LEKR1: variants seen among roughly 807,000 people sequenced by gnomAD.
LEKR1 encodes the protein leucine, glutamate and lysine rich 1.
A neutral mutation model predicts 72.4 loss-of-function variants in LEKR1; 59 were observed. The observed-to-expected ratio is 0.82, with a 90% CI of 0.66 to 1.01. LEKR1 has a LOEUF of 1.01. LEKR1 is among the 50% of genes least tolerant of loss of function. LEKR1 has a pLI of 0.00. For synonymous variants in LEKR1, 257 were observed against 263.2 expected (o/e 0.98, Z 0.23); for missense variants, 728 against 759.2 (o/e 0.96, Z 0.48).
chr3:156,940,292 G>T (rs1726086602), intron 5 of LEKR1, among the ~76,000 whole-genome samples: 1 of 152,108 alleles, frequency 6.6e-6, no homozygotes, highest in African/African-American at 2.4e-5. Context: ...CAATACAAAT[G>T]ATGTAAATTG....
chr3:157,027,198 T>C (rs957281924), intron 11 of LEKR1, among the ~76,000 whole-genome samples: 7 of 152,008 alleles, frequency 4.6e-5, no homozygotes, highest in African/African-American at 1.7e-4. Context: ...TTTTTTAAAT[T>C]TGAGAGTCAG....
chr3:156,882,956 A>C (rs2108553116), intron 3 of LEKR1, among the ~76,000 whole-genome samples: 1 of 151,712 alleles, frequency 6.6e-6, no homozygotes, highest in East Asian at 1.9e-4. Flanking sequence ...GAACAATGAG[A>C]ACACATGGAC....
chr3:156,852,923 G>T lies in LEKR1; in HGVS notation c.204G>T (p.Leu68=), dbSNP rs1034317899. Reference sequence around the variant, plus strand: ...GTGAAAAGAGACTTCAAGAAAAGCTGCATTCTCTTAGCCAAGAACTTGAAC... The same window carrying T: ...GTGAAAAGAGACTTCAAGAAAAGCTTCATTCTCTTAGCCAAGAACTTGAAC... ...VDREKRLQEK[L]HSLSQELEQY... The change falls in exon 3 of 13, where the codon CTG becomes CTT. Residue 68 remains leucine (L), a synonymous_variant. Coordinates refer to ENST00000356539, the MANE Select transcript of LEKR1 (RefSeq NM_001004316.3). 2 of 1,488,354 alleles carry T rather than the reference G, an allele frequency of 1.3e-6. No homozygotes were observed. The highest frequency in any genetic ancestry group is 1.8e-6 in the Non-Finnish European group (2 of 1,125,768). 92.2% of individuals were successfully genotyped at this position (1,488,354 alleles called of 1,614,324 possible).
chr3:156,987,881 G>A (rs1730835036), intron 7 of LEKR1, among the ~76,000 whole-genome samples: 3 of 152,088 alleles, frequency 2.0e-5, no homozygotes, highest in East Asian at 1.9e-4. Context: ...TCATAACAAG[G>A]CAATCTTCAA....
At chr3:156,937,167 C>T (rs1725792137) in intron 5 of LEKR1, among the ~76,000 whole-genome samples, 1 of 144,620 alleles carries the variant, frequency 6.9e-6, no homozygotes, top group Non-Finnish European at 1.5e-5. Flanking sequence ...AAAACAAGAA[C>T]AGCAAGAACA....
intron 3 of LEKR1, among the ~76,000 whole-genome samples, chr3:156,886,171 C>T (rs1720047494): frequency 6.6e-6 from 1 of 151,944 alleles, no homozygotes; most frequent in African/African-American, 2.4e-5. Context: ...GCCAATGATA[C>T]TATGTTTCAG....
At chr3:156,873,162 A>G (rs1204868501) in intron 3 of LEKR1, among the ~76,000 whole-genome samples, 1 of 152,020 alleles carries the variant, frequency 6.6e-6, no homozygotes, top group African/African-American at 2.4e-5. Context: ...CTTTATCATT[A>G]TATAATGACC....
chr3:157,024,614 CT>C (rs34378141), intron 10 of LEKR1, 145 bp from the exon 11 acceptor site: 190 of 676,938 alleles, frequency 2.8e-4, no homozygotes, highest in Middle Eastern at 4.3e-4. Flanking sequence ...CTAAGTCACA[CT>C]TTTTTTTGAA....
At chr3:156,929,133 G>C (rs916209633) in intron 5 of LEKR1, among the ~76,000 whole-genome samples, 3 of 150,606 alleles carry the variant, frequency 2.0e-5, no homozygotes, top group African/African-American at 7.3e-5. Flanking sequence ...TGAAAAATAT[G>C]GTGTCTGAAA....
At chr3:157,032,541 G>A (rs1484075480) in intron 12 of LEKR1, among the ~76,000 whole-genome samples, 2 of 152,100 alleles carry the variant, frequency 1.3e-5, no homozygotes, top group Non-Finnish European at 2.9e-5. Flanking sequence ...AATCCATTAG[G>A]ACAAAGAGAA....
At chr3:157,041,823 T>C (rs1577033601) in intron 12 of LEKR1, among the ~76,000 whole-genome samples, 1 of 152,364 alleles carries the variant, frequency 6.6e-6, no homozygotes, top group East Asian at 1.9e-4. Flanking sequence ...TGTTGCTCAG[T>C]GAAAACACAT....
chr3:156,887,206 C>T (rs779792152), intron 3 of LEKR1, among the ~76,000 whole-genome samples: 4 of 151,460 alleles, frequency 2.6e-5, no homozygotes, highest in South Asian at 2.1e-4. Flanking sequence ...TTTGATTGTC[C>T]GTATTTTTAT....
chr3:157,020,685 A>G (rs1733761317), intron 10 of LEKR1, among the ~76,000 whole-genome samples: 1 of 151,564 alleles, frequency 6.6e-6, no homozygotes, highest in Non-Finnish European at 1.5e-5. Flanking sequence ...TCATTGTTGG[A>G]CATTTGGGTT....
chr3:156,872,617 T>A lies in LEKR1; in HGVS notation c.263+19635T>A, dbSNP rs147381458. ...CCTCTTAGCACTGCTTTTGCTAAATTCCATAGGTTTTTGGAATGTTGTATT... is the reference window on the plus strand; with the variant it reads ...CCTCTTAGCACTGCTTTTGCTAAATACCATAGGTTTTTGGAATGTTGTATT... On this transcript the variant is annotated intron_variant, in intron 3 of 12. Coordinates refer to ENST00000356539, the MANE Select transcript of LEKR1 (RefSeq NM_001004316.3). Among the ~76,000 whole-genome samples, 236 of 152,150 alleles carry A rather than the reference T, an allele frequency of 1.6e-3. 3 individuals carry two copies. Among genetic ancestry groups the A allele is most frequent in the African/African-American group, 5.6e-3 (231 of 41,560 alleles).
chr3:156,858,399 G>A (rs1716342301), intron 3 of LEKR1, among the ~76,000 whole-genome samples: 8 of 152,116 alleles, frequency 5.3e-5, no homozygotes, highest in Admixed American at 3.9e-4. Flanking sequence ...CAGGCCAGGC[G>A]CGGTGGCTCA....
chr3:157,004,134 A>C (rs977551690), intron 9 of LEKR1, among the ~76,000 whole-genome samples: 19 of 152,196 alleles, frequency 1.2e-4, no homozygotes, highest in Non-Finnish European at 1.2e-4. Flanking sequence ...CAAAAATAAA[A>C]GAATGGGAAA....
chr3:157,045,308 A>T, intron 12 of LEKR1, 32 bp from the exon 13 acceptor site: 1 of 1,569,342 alleles, frequency 6.4e-7, no homozygotes, highest in East Asian at 2.2e-5. Context: ...TTTAAAGCTA[A>T]GTCTGCTTTC....
intron 6 of LEKR1, among the ~76,000 whole-genome samples, chr3:156,975,140 C>T (rs1197360901): frequency 6.6e-6 from 1 of 152,152 alleles, no homozygotes; most frequent in Non-Finnish European, 1.5e-5. Flanking sequence ...TAACAGTTAA[C>T]AGGAAGCAGA....
Position 156,942,960 on chromosome 3 carries a change from C to T in LEKR1, c.745+246C>T, listed in dbSNP as rs758232564. On this transcript the variant is annotated intron_variant, in intron 6 of 12. Transcript: ENST00000356539. ...TATATAAAAGACATTTCAACTGCAA[C>T]GTAAGATTTCAGAAAAATAAGGCGA... Among the ~76,000 whole-genome samples the T allele has an allele frequency of 4.6e-5, 7 of 151,940 alleles. No individual in the cohort carries two copies. The East Asian group carries it at 5.8e-4, about 13-fold the overall frequency.
Sources: allele counts gnomAD v4.1 joint callset (sites outside exome capture counted in the v4.1 genomes callset), GRCh38; gene constraint gnomAD v4.1.1; transcripts MANE v1.5; gene names NCBI Gene and HGNC (gene_info 2026-07-23, HGNC 2026-07-21).